Variants in GRK5 observed in about 807,000 individuals in gnomAD.
GRK5 encodes G protein-coupled receptor kinase 5.
Under a neutral mutation model 78.4 loss-of-function variants are expected in GRK5, and 40 were observed. The ratio of observed to expected loss-of-function variants is 0.51; its 90% CI spans 0.40 to 0.66. The LOEUF is 0.66. GRK5 is among the 30% of genes least tolerant of loss of function. GRK5 has a pLI of 0.00. For synonymous variants in GRK5, 289 were observed against 296.8 expected, an observed-to-expected ratio of 0.97 and a Z score of 0.27; for missense variants, 598 against 759.9, an observed-to-expected ratio of 0.79 and a Z score of 2.50.
chr10:119,401,835 G>A (rs1470912492), intron 4 of GRK5, among the ~76,000 whole-genome samples: 1 of 152,202 alleles, frequency 6.6e-6, no homozygotes, highest in Non-Finnish European at 1.5e-5. Context: ...GACAGAGGCA[G>A]TGAGCCAGTC....
chr10:119,345,939 G>A (rs1191078764), intron 2 of GRK5, among the ~76,000 whole-genome samples: 5 of 151,640 alleles, frequency 3.3e-5, no homozygotes, highest in Admixed American at 3.3e-4. Context: ...CTCTCCACCT[G>A]GCCAAGCTTT....
At chr10:119,347,010 A>G (rs1243273918) in intron 2 of GRK5, among the ~76,000 whole-genome samples, 1 of 152,104 alleles carries the variant, frequency 6.6e-6, no homozygotes, top group Non-Finnish European at 1.5e-5. Context: ...GCATCAAGAT[A>G]TGGTTACGAT....
intron 2 of GRK5, among the ~76,000 whole-genome samples, chr10:119,353,932 C>CTTTTTTTTTTT (rs761463283): frequency 9.2e-6 from 1 of 108,736 alleles, no homozygotes; most frequent in Non-Finnish European, 1.8e-5. Flanking sequence ...TTTTTTCTTT[C>CTTTTTTTTTTT]TTTTTTTTTT....
In GRK5 at chr10:119,271,832, T is replaced by C. The variant is rs1589714563; in HGVS notation, c.53-54684T>C. Among the ~76,000 whole-genome samples the C allele has an allele frequency of 6.8e-6, 1 of 146,188 alleles. No individual in the cohort carries two copies. Among genetic ancestry groups the C allele is most frequent in the Non-Finnish European group, 1.5e-5 (1 of 65,092 alleles). ...CGTTGGGGAAGTTGCTTGCCTAATATGTGTGTGTTTCCTCATCTGTGAAGA... is the reference window on the plus strand; with the variant it reads ...CGTTGGGGAAGTTGCTTGCCTAATACGTGTGTGTTTCCTCATCTGTGAAGA... On this transcript the variant is annotated intron_variant, in intron 1 of 15. Transcript: ENST00000392870. The surrounding 1 kb of genome is among the most constrained non-coding windows in gnomAD (Gnocchi z 4.1).
At chr10:119,218,228 C>T (rs1222742439) in intron 1 of GRK5, among the ~76,000 whole-genome samples, 3 of 151,982 alleles carry the variant, frequency 2.0e-5, no homozygotes, top group East Asian at 1.9e-4. Context: ...AGCCTGGTGT[C>T]GCTCCCTGAT....
chr10:119,257,203 T>A (rs1187208990), intron 1 of GRK5, among the ~76,000 whole-genome samples: 4 of 152,368 alleles, frequency 2.6e-5, no homozygotes, highest in Admixed American at 1.3e-4. Flanking sequence ...GGGAGTGTTC[T>A]TATTTTTAAT....
intron 10 of GRK5, among the ~76,000 whole-genome samples, chr10:119,440,612 G>A (rs1484346749): frequency 7.3e-5 from 11 of 150,770 alleles, no homozygotes; most frequent in Admixed American, 7.3e-4. Context: ...GTGCAGTGGT[G>A]CAATCTCAAC....
chr10:119,408,661 A>G (rs966691474), intron 4 of GRK5, among the ~76,000 whole-genome samples: 6 of 152,226 alleles, frequency 3.9e-5, no homozygotes, highest in African/African-American at 1.4e-4. Flanking sequence ...CCATAGAGGC[A>G]GAAAGTAAGT....
At chr10:119,231,669 C>T (rs74847048) in intron 1 of GRK5, among the ~76,000 whole-genome samples, 3,071 of 148,230 alleles carry the variant, frequency 0.021, 76 homozygotes, top group South Asian at 0.062. Flanking sequence ...ATCGTGCCAC[C>T]GCACTCTAGC....
At chr10:119,353,547 G>GAATCC (rs1409882881) in intron 2 of GRK5, among the ~76,000 whole-genome samples, 1 of 152,180 alleles carries the variant, frequency 6.6e-6, no homozygotes, top group Admixed American at 6.5e-5. Flanking sequence ...ATTCTTTGGT[G>GAATCC]AAAGCTCTAA....
intron 9 of GRK5, among the ~76,000 whole-genome samples, chr10:119,437,077 C>T (rs868155425): frequency 6.6e-5 from 10 of 152,208 alleles, no homozygotes; most frequent in Non-Finnish European, 1.3e-4. Context: ...TTAGGGAAGC[C>T]AAGCAAGTGA....
At chr10:119,400,427 G>A (rs1307650173) in intron 4 of GRK5, among the ~76,000 whole-genome samples, 1 of 152,214 alleles carries the variant, frequency 6.6e-6, no homozygotes, top group Non-Finnish European at 1.5e-5. Context: ...GTAATTGGCA[G>A]AATTGTGGGG....
intron 13 of GRK5, among the ~76,000 whole-genome samples, chr10:119,451,241 A>G (rs1437483300): frequency 1.3e-5 from 2 of 150,722 alleles, no homozygotes; most frequent in African/African-American, 4.9e-5. Flanking sequence ...ACTTCCATTG[A>G]CTCTTTTTTT....
chr10:119,431,748 A>T lies in GRK5; in HGVS notation c.738+221A>T, dbSNP rs1852823877. ...CTTTGTCCCATCCCCAGAGCCGGCC[A>T]GTGCCTGGCTCCCTGCTGTGCATGA... On this transcript the variant is annotated intron_variant, in intron 8 of 15. Coordinates refer to ENST00000392870, the MANE Select transcript of GRK5 (RefSeq NM_005308.3). The surrounding 1 kb of genome is among the most constrained non-coding windows in gnomAD (Gnocchi z 4.8). 6.6e-6 allele frequency among the ~76,000 whole-genome samples: 1 copy of T among 152,214 alleles called. No individual in the cohort carries two copies. The highest frequency in any genetic ancestry group is 2.4e-5 in the African/African-American group (1 of 41,464).
chr10:119,357,411 C>T (rs1015996497), intron 2 of GRK5, among the ~76,000 whole-genome samples: 6 of 152,108 alleles, frequency 3.9e-5, no homozygotes, highest in African/African-American at 1.4e-4. Flanking sequence ...CTCATGGGAG[C>T]GGGGGTCAGG....
chr10:119,453,365 C>A, intron 15 of GRK5, 89 bp downstream of exon 15: 3 of 1,481,696 alleles, frequency 2.0e-6, no homozygotes, highest in Non-Finnish European at 2.8e-6. Context: ...ACAGTAGAGA[C>A]CCTTGGAAGG....
chr10:119,318,236 C>G (rs1357038620), intron 1 of GRK5, among the ~76,000 whole-genome samples: 2 of 152,252 alleles, frequency 1.3e-5, no homozygotes, highest in Non-Finnish European at 2.9e-5. Context: ...ATGATACACA[C>G]TCCCTGATTG....
intron 1 of GRK5, among the ~76,000 whole-genome samples, chr10:119,323,246 G>A (rs1850616494): frequency 6.6e-6 from 1 of 152,206 alleles, no homozygotes; most frequent in Admixed American, 6.5e-5. Context: ...CACAGCAATG[G>A]GAACGTCCTT....
intron 1 of GRK5, among the ~76,000 whole-genome samples, chr10:119,291,376 G>A (rs1849950876): frequency 6.6e-6 from 1 of 152,150 alleles, no homozygotes; most frequent in Non-Finnish European, 1.5e-5. Context: ...AGGTCTGGGT[G>A]CAGGCTCCCT....
Sources: gnomAD v4.1 joint callset for allele counts (sites outside exome capture counted in the v4.1 genomes callset) on GRCh38, gnomAD v4.1.1 for gene constraint, Gnocchi (gnomAD v3.1) non-coding constraint, MANE v1.5 for transcripts, NCBI Gene and HGNC (gene_info 2026-07-23, HGNC 2026-07-21) for gene names.